The following RGL1 variants were observed in gnomAD, a reference collection of about 807,000 sequenced individuals.
RGL1 encodes the protein ral guanine nucleotide dissociation stimulator-like 1.
RGL1 carries 24 observed loss-of-function variants against 95.2 expected under a neutral mutation model. That is an observed-to-expected ratio of 0.25 (90% CI 0.18 to 0.35). The LOEUF (loss-of-function observed/expected upper bound fraction) is 0.35, where lower values mean the gene tolerates loss of function less well. Ranked by LOEUF, RGL1 falls within the 10% of genes least tolerant of loss-of-function variation. RGL1 has a pLI of 1.00. For synonymous variants in RGL1, 329 were observed against 344.9 expected (o/e 0.95, Z 0.51); for missense variants, 715 against 936.3 (o/e 0.76, Z 3.08).
intron 2 of RGL1, among the ~76,000 whole-genome samples, chr1:183,799,010 C>T (rs1458564679): frequency 2.7e-5 from 4 of 150,828 alleles, no homozygotes; most frequent in Non-Finnish European, 5.9e-5. Context: ...GTTTGCCATT[C>T]TCCTGCCTCA....
At chr1:183,800,606 A>G (rs1186938602), upstream of RGL1, among the ~76,000 whole-genome samples, 1 of 152,224 alleles carries the variant, frequency 6.6e-6, no homozygotes, top group Non-Finnish European at 1.5e-5. Flanking sequence ...TCTAGAACTT[A>G]TTCATCTTGC....
At chr1:183,695,143 A>T (rs1348788010) in intron 1 of RGL1, among the ~76,000 whole-genome samples, 1 of 152,246 alleles carries the variant, frequency 6.6e-6, no homozygotes, top group Non-Finnish European at 1.5e-5. Flanking sequence ...CAGATATGAC[A>T]TCATGTCTGT....
intron 4 of RGL1, among the ~76,000 whole-genome samples, chr1:183,877,133 T>C (rs1666541002): frequency 6.6e-6 from 1 of 152,136 alleles, no homozygotes; most frequent in Non-Finnish European, 1.5e-5. Flanking sequence ...GGATGAAAGA[T>C]AGAGTTTTCT....
chr1:183,848,332 T>G (rs1181771061), intron 3 of RGL1, among the ~76,000 whole-genome samples: 2 of 152,236 alleles, frequency 1.3e-5, no homozygotes, highest in Non-Finnish European at 2.9e-5. Flanking sequence ...CAGTATACAT[T>G]GATATTTACA....
At chr1:183,870,262 T>C (rs764193913) in intron 4 of RGL1, among the ~76,000 whole-genome samples, 3 of 152,066 alleles carry the variant, frequency 2.0e-5, no homozygotes, top group Admixed American at 1.3e-4. Flanking sequence ...ACGGCCTCTT[T>C]CTCGGTCTTC....
At chr1:183,718,291 G>A (rs1655765892) in intron 1 of RGL1, among the ~76,000 whole-genome samples, 1 of 151,508 alleles carries the variant, frequency 6.6e-6, no homozygotes, top group Non-Finnish European at 1.5e-5. Context: ...TTAAATGGAT[G>A]CTGATGGAGA....
At chr1:183,742,218 A>G (rs772543251) in exon 2 of RGL1, 1 of 1,614,050 alleles carries the variant, frequency 6.2e-7, no homozygotes, top group Non-Finnish European at 8.5e-7. Context: ...ACTTTCCACC[A>G]AGGTAGAAAG....
chr1:183,720,628 G>C (rs928934906), intron 1 of RGL1, among the ~76,000 whole-genome samples: 2 of 152,112 alleles, frequency 1.3e-5, no homozygotes, highest in African/African-American at 4.8e-5. Context: ...CCTTCTTTCA[G>C]CTGAAGGCCT....
At position 183,717,820 on chromosome 1, in the gene RGL1, A is replaced by G. The variant is rs118027693; in HGVS notation, c.-32-24306A>G. 2.8e-4 allele frequency among the ~76,000 whole-genome samples: 42 copies of G among 152,350 alleles called. No individual in the cohort carries two copies. In the East Asian group the frequency reaches 7.7e-3, roughly 28 times the overall value. On this transcript the variant is annotated intron_variant, in intron 1 of 18. Coordinates refer to the RGL1 transcript ENST00000304685. ...AAGAAGGTAAGCAGGAGGGTGGTCA[A>G]AGAAAGCCTCTCAGAGGAAGTGGCA... is the stretch of plus-strand genomic sequence containing the variant.
At chr1:183,840,563 T>G (rs924900831) in intron 2 of RGL1, among the ~76,000 whole-genome samples, 3 of 152,020 alleles carry the variant, frequency 2.0e-5, no homozygotes, top group Non-Finnish European at 2.9e-5. Context: ...TCTCATTCAT[T>G]ATGTGAAACC....
At chr1:183,783,947 T>C (rs965637699) in intron 2 of RGL1, among the ~76,000 whole-genome samples, 1 of 152,166 alleles carries the variant, frequency 6.6e-6, no homozygotes, top group African/African-American at 2.4e-5. Flanking sequence ...GGGGCATGAA[T>C]AGCATACAAT....
At chr1:183,835,600 C>T (rs1663592530) in intron 2 of RGL1, among the ~76,000 whole-genome samples, 1 of 152,090 alleles carries the variant, frequency 6.6e-6, no homozygotes. Context: ...GATTTTGTTT[C>T]CCCCCAAAGA....
intron 4 of RGL1, among the ~76,000 whole-genome samples, chr1:183,869,727 T>C (rs1317827840): frequency 2.0e-5 from 3 of 152,200 alleles, no homozygotes; most frequent in Non-Finnish European, 4.4e-5. Flanking sequence ...TGTGCCTAGA[T>C]AGGGTCACTG....
chr1:183,637,896 G>A (rs1444483033), intron 1 of RGL1, among the ~76,000 whole-genome samples: 1 of 150,736 alleles, frequency 6.6e-6, no homozygotes, highest in East Asian at 1.9e-4. Flanking sequence ...TTAGAATAAA[G>A]ATTTTACAAT....
intron 2 of RGL1, among the ~76,000 whole-genome samples, chr1:183,775,214 C>A (rs750943491): frequency 5.3e-5 from 8 of 152,170 alleles, no homozygotes; most frequent in Non-Finnish European, 7.4e-5. Flanking sequence ...CTAGACTGAA[C>A]CCCTGGTGTT....
intron 2 of RGL1, among the ~76,000 whole-genome samples, chr1:183,777,793 T>C (rs187067757): frequency 2.2e-4 from 33 of 152,344 alleles, no homozygotes; most frequent in Non-Finnish European, 3.4e-4. Context: ...GCCATTAGCT[T>C]TTAATTTTAG....
chr1:183,908,469 C>A (rs2102719997), intron 14 of RGL1, among the ~76,000 whole-genome samples: 1 of 152,316 alleles, frequency 6.6e-6, no homozygotes, highest in Non-Finnish European at 1.5e-5. Context: ...TTTGCTCACC[C>A]TCTCTTTGTT....
At chr1:183,863,981 A>T (rs577952274) in intron 3 of RGL1, among the ~76,000 whole-genome samples, 1 of 152,200 alleles carries the variant, frequency 6.6e-6, no homozygotes, top group Non-Finnish European at 1.5e-5. Flanking sequence ...GTCTTTCTTG[A>T]CACCTTCTCA....
At chr1:183,694,296 G>T (rs1349013950) in intron 1 of RGL1, among the ~76,000 whole-genome samples, 2 of 152,226 alleles carry the variant, frequency 1.3e-5, no homozygotes, top group African/African-American at 4.8e-5. Flanking sequence ...ACACAGGCAG[G>T]AGTGGGCTGT....
Sources: gnomAD v4.1 joint callset for allele counts (sites outside exome capture counted in the v4.1 genomes callset) on GRCh38, gnomAD v4.1.1 for gene constraint, MANE v1.5 for transcripts, NCBI Gene and HGNC (gene_info 2026-07-23, HGNC 2026-07-21) for gene names.